Variants in NEB observed in about 807,000 individuals in gnomAD.
The protein encoded by NEB is nemaline myopathy type 2.
Under a neutral mutation model 952.2 loss-of-function variants are expected in NEB, and 512 were observed. The ratio of observed to expected loss-of-function variants is 0.54; its 90% CI spans 0.50 to 0.58. NEB has a LOEUF of 0.58. Ranked by LOEUF, NEB falls within the 20% of genes least tolerant of loss-of-function variation. NEB has a pLI of 0.00. For missense variants in NEB, 8,428 were observed against 9,231.1 expected (o/e 0.91, Z 3.56); for synonymous variants, 2,900 against 3,149.8 (o/e 0.92, Z 2.66).
intron 129 of NEB, 145 bp downstream of exon 129, chr2:151,551,593 A>G (rs528620935): frequency 3.1e-6 from 2 of 653,868 alleles, no homozygotes; most frequent in South Asian, 3.9e-5. Context: ...AAGATAGATT[A>G]TGCTCTGTGT....
intron 135 of NEB, among the ~76,000 whole-genome samples, chr2:151,542,215 C>T (rs561582746): frequency 6.6e-6 from 1 of 152,296 alleles, no homozygotes; most frequent in Non-Finnish European, 1.5e-5. Context: ...TTTTAGACCT[C>T]CTCATCAGCC....
intron 117 of NEB, 90 bp from the exon 118 acceptor site, chr2:151,564,020 G>T: frequency 1.1e-6 from 1 of 924,000 alleles, no homozygotes; most frequent in Non-Finnish European, 1.7e-6. Flanking sequence ...GGTGAAACAT[G>T]TATGTTCAAG....
chr2:151,549,657 G>A lies in NEB; in HGVS notation c.20028C>T (p.Asp6676=), dbSNP rs896168076. ...GDTPHFKHIK[D]TRYMSSYFKY... ...TCACATAACTGCTCATGTAACGGGT[G>A]TCCTTGATGTGTTTGAAGTGAGGAG... Residue 6676 remains aspartate, a synonymous_variant, in exon 130 of 182, where the codon GAC becomes GAT. Coordinates refer to ENST00000397345, the MANE Select transcript of NEB (RefSeq NM_001164508.2). 11 of 1,599,734 alleles carry A rather than the reference G, an allele frequency of 6.9e-6. No individual in the cohort carries two copies. Among genetic ancestry groups the A allele is most frequent in the Non-Finnish European group, 9.4e-6 (11 of 1,172,390 alleles).
intron 65 of NEB, among the ~76,000 whole-genome samples, chr2:151,632,694 A>C (rs1319352383): frequency 1.3e-5 from 2 of 151,932 alleles, no homozygotes; most frequent in Non-Finnish European, 2.9e-5. Flanking sequence ...AAAAAAAAAA[A>C]AAGAATGAAA....
chr2:151,540,510 C>A lies in NEB; in HGVS notation c.20788-62G>T, dbSNP rs1372275344. 2.3e-6 allele frequency: 3 copies of A among 1,317,172 alleles called. No homozygotes were observed. In the African/African-American group the frequency reaches 4.4e-5, roughly 19 times the overall value. 81.6% of individuals were successfully genotyped at this position (1,317,172 alleles called of 1,614,324 possible). A position where few individuals can be genotyped will look rare whatever the true frequency, so the allele number is the denominator to read the frequency against. ...GTGTCTTCCCAATTTCCAACCAAGC[C>A]ACCTACAGGTCTTGTGGAGGGGCAC... On this transcript the variant is annotated intron_variant, in intron 137 of 181. Coordinates refer to ENST00000397345, the MANE Select transcript of NEB (RefSeq NM_001164508.2).
intron 10 of NEB, among the ~76,000 whole-genome samples, chr2:151,715,800 G>A (rs2099757350): frequency 6.6e-6 from 1 of 152,230 alleles, no homozygotes; most frequent in Non-Finnish European, 1.5e-5. Flanking sequence ...ATCAAATTCA[G>A]GTGCTTCCTA....
chr2:151,499,420 A>C (rs1314625144), intron 168 of NEB, 30 bp from the exon 169 acceptor site: 3 of 1,327,594 alleles, frequency 2.3e-6, no homozygotes, highest in Admixed American at 4.0e-5. Flanking sequence ...ATCCAGAAAA[A>C]ACAAGAGCAG....
At position 151,537,241 on chromosome 2, in the gene NEB, GAGA is replaced by G. The variant is rs747602368; in HGVS notation, c.21103-8_21103-6del. ...CAAGTCTTCTTTATATTTTACCTGG[GAGA>G]AGAAGAACATCAAAGAGTTCTAAGA... is the stretch of plus-strand genomic sequence containing the variant. On this transcript the variant is annotated splice_region_variant and splice_polypyrimidine_tract_variant and intron_variant, in intron 140 of 181. Coordinates refer to ENST00000397345, the MANE Select transcript of NEB (RefSeq NM_001164508.2). 5.1e-6 allele frequency: 8 copies of G among 1,576,740 alleles called. No homozygotes were observed. Among genetic ancestry groups the G allele is most frequent in the South Asian group, 3.3e-5 (3 of 89,922 alleles).
Position 151,727,845 on chromosome 2 carries a change from G to A in NEB, c.140C>T (p.Thr47Ile). The A allele has an allele frequency of 6.2e-7, 1 of 1,612,172 alleles. No homozygotes were observed. The highest frequency in any genetic ancestry group is 8.5e-7 in the Non-Finnish European group (1 of 1,179,054). ...TGGCTGTGCCAGAGCTGGTTTGGAA[G>A]TTTCTGATTGCTCATAGTCAGATGT... ...TRTSDYEQSE[T>I]SKPALAQPAL... The change falls in exon 5 of 182, where the codon ACT (threonine) becomes ATT (isoleucine). Residue 47 changes from threonine to isoleucine, a missense_variant. By Grantham distance (89) the Thr-to-Ile change is moderately conservative. Around this residue, in one of 11 missense-constraint regions of NEB, gnomAD observed 2,851 missense variants for 2,791.5 expected, o/e 1.02. Transcript: ENST00000397345.
rs138032453 is a variant in NEB at position 151,530,702 on chromosome 2, A to G, written c.21630+292T>C. 201 of 291,512 alleles carry G rather than the reference A, an allele frequency of 6.9e-4. 1 individual carries two copies. Among genetic ancestry groups the G allele is most frequent in the African/African-American group, 3.8e-3 (177 of 46,648 alleles). The allele number at this position is 291,512 out of a possible 1,614,324, so 18.1% of individuals were successfully genotyped here. ...AAGGGGTTCCTGTCTCGTCTACACA[A>G]TAGCCCAGCTCCCAGCCCGCAGCCA... On this transcript the variant is annotated intron_variant, in intron 145 of 181. Transcript: ENST00000397345.
intron 105 of NEB, among the ~76,000 whole-genome samples, chr2:151,578,909 C>A (rs1305641729): frequency 2.0e-5 from 3 of 151,682 alleles, no homozygotes; most frequent in African/African-American, 7.2e-5. Context: ...TGGCAAAGAC[C>A]TGTCTCTAAT....
At position 151,565,780 on chromosome 2, in the gene NEB, C is replaced by T. The variant is rs1336940485; in HGVS notation, c.18197G>A (p.Gly6066Asp). 4 of 1,612,164 alleles carry T rather than the reference C, an allele frequency of 2.5e-6. No homozygotes were observed. In the South Asian group the frequency reaches 4.4e-5, roughly 18 times the overall value. ...GTCCACAGAATCCAGTGGGATCCAG[C>T]CAATGCCTCGGAGCCACTCCAGGTC... ...RADLEWLRGI[G>D]WIPLDSVDHV... Residue 6066 changes from glycine to aspartate, a missense_variant, in exon 115 of 182, where the codon GGC (glycine) becomes GAC (aspartate). Transcript: ENST00000397345.
At position 151,581,606 on chromosome 2, in the gene NEB, G is replaced by A. The variant is rs1023146205; in HGVS notation, c.16180-19C>T. ...ACAATGGCTGGGAAAAATGAAAAAC[G>A]ATGGAATGGTCAATTAGTAAATAAG... On this transcript the variant is annotated intron_variant, in intron 102 of 181. Coordinates refer to ENST00000397345, the MANE Select transcript of NEB (RefSeq NM_001164508.2). 16 of 771,846 alleles carry A rather than the reference G, an allele frequency of 2.1e-5. No individual in the cohort carries two copies. The African/African-American group carries it at 2.1e-4, about 10-fold the overall frequency. 47.8% of individuals were successfully genotyped at this position (771,846 alleles called of 1,614,324 possible).
At position 151,698,930 on chromosome 2, in the gene NEB, A is replaced by G. The variant is rs571792954; in HGVS notation, c.1153-1282T>C. Among the ~76,000 whole-genome samples the G allele has an allele frequency of 8.2e-5, 12 of 146,458 alleles. No individual in the cohort carries two copies. In the East Asian group the frequency reaches 2.4e-3, roughly 29 times the overall value. On this transcript the variant is annotated intron_variant, in intron 13 of 181. Transcript: ENST00000397345. ...CATGTGCACATTGTGCAGGTTAGTT[A>G]CATATGTATACATGTGCCATGCTGG...
intron 15 of NEB, 37 bp from the exon 16 acceptor site, chr2:151,697,289 T>A: frequency 6.2e-7 from 1 of 1,608,840 alleles, no homozygotes; most frequent in Non-Finnish European, 8.5e-7. Context: ...GATGCAGCCA[T>A]TGTATTCATG....
intron 9 of NEB, among the ~76,000 whole-genome samples, chr2:151,722,003 G>T (rs2099775472): frequency 6.6e-6 from 1 of 152,130 alleles, no homozygotes; most frequent in South Asian, 2.1e-4. Flanking sequence ...ATATGAAGAG[G>T]GTGGCGTTAA....
At chr2:151,615,286 T>C (rs956250574) in intron 76 of NEB, among the ~76,000 whole-genome samples, 6 of 152,226 alleles carry the variant, frequency 3.9e-5, no homozygotes, top group African/African-American at 1.4e-4. Context: ...CTTTTTAGTT[T>C]ACAGAAGAAA....
chr2:151,643,235 T>C lies in NEB; in HGVS notation c.8075A>G (p.Gln2692Arg). 2 of 1,613,992 alleles carry C rather than the reference T, an allele frequency of 1.2e-6. No individual in the cohort carries two copies. The highest frequency in any genetic ancestry group is 1.7e-6 in the Non-Finnish European group (2 of 1,179,866). ...GGAAAACTTAAATTGATCTGGGTGC[T>C]GACGGTAAACATGGTCACTCAAAAT... ...TQILSDHVYR[Q>R]HPDQFKFSSL... Residue 2692 changes from glutamine to arginine, a missense_variant, in exon 58 of 182, where the codon CAG becomes CGG. Around this residue, in one of 11 missense-constraint regions of NEB, gnomAD observed 1,772 missense variants for 1,960.3 expected, o/e 0.90. Coordinates refer to ENST00000397345, the MANE Select transcript of NEB (RefSeq NM_001164508.2).
chr2:151,695,388 T>G (rs1466884700), intron 18 of NEB, among the ~76,000 whole-genome samples, 190 bp downstream of exon 18: 4 of 152,248 alleles, frequency 2.6e-5, no homozygotes, highest in Admixed American at 2.6e-4. Context: ...TGAAATTACT[T>G]ATAAGATTGC....
Sources: gnomAD v4.1 joint callset for allele counts (sites outside exome capture counted in the v4.1 genomes callset) on GRCh38, gnomAD v4.1.1 for gene constraint, gnomAD v4.1.1 regional missense constraint, MANE v1.5 for transcripts, NCBI Gene and HGNC (gene_info 2026-07-23, HGNC 2026-07-21) for gene names.